The following APAF1 variants were observed in gnomAD, a reference collection of about 807,000 sequenced individuals.
APAF1 encodes apoptotic protease-activating factor 1.
Under a neutral mutation model 152.4 loss-of-function variants are expected in APAF1, and 91 were observed. The observed-to-expected ratio is 0.60, with a 90% CI of 0.50 to 0.71. The LOEUF is 0.71. Among genes scored for constraint, APAF1 ranks in the 30% least tolerant of loss-of-function variants. The pLI is 0.00. For missense variants in APAF1, 1,283 were observed against 1,472.0 expected (o/e 0.87, Z 2.10); for synonymous variants, 484 against 494.1 (o/e 0.98, Z 0.27).
intron 16 of APAF1, among the ~76,000 whole-genome samples, chr12:98,692,134 G>A (rs1412178765): frequency 2.0e-5 from 3 of 152,066 alleles, no homozygotes. Context: ...TGAGGCTGGA[G>A]TGCAGTGGCG....
chr12:98,710,460 AGAG>A (rs1399666951), intron 20 of APAF1, among the ~76,000 whole-genome samples: 4 of 152,162 alleles, frequency 2.6e-5, no homozygotes, highest in Non-Finnish European at 5.9e-5. Context: ...GTCAAGCTAG[AGAG>A]GAGAGAGAGG....
chr12:98,691,974 C>T (rs2097704709), intron 16 of APAF1, among the ~76,000 whole-genome samples: 1 of 152,186 alleles, frequency 6.6e-6, no homozygotes, highest in African/African-American at 2.4e-5. Flanking sequence ...GTTCTTCATT[C>T]CTAACTTCCT....
chr12:98,664,168 G>A, intron 7 of APAF1, among the ~76,000 whole-genome samples: 1 of 151,850 alleles, frequency 6.6e-6, no homozygotes, highest in Admixed American at 6.6e-5. Context: ...ACAGGTGCGT[G>A]CTACCTCACC....
At chr12:98,723,835 T>G in intron 24 of APAF1, 71 bp downstream of exon 24, 1 of 1,494,712 alleles carries the variant, frequency 6.7e-7, no homozygotes. Flanking sequence ...AAATAATATA[T>G]GCAAAAGGAC....
chr12:98,714,435 T>C (rs887838680), intron 21 of APAF1, among the ~76,000 whole-genome samples: 20 of 152,248 alleles, frequency 1.3e-4, no homozygotes, highest in Non-Finnish European at 2.8e-4. Context: ...GATGCTCTCA[T>C]TGAATTCTTA....
chr12:98,681,888 T>A (rs1386217496), intron 14 of APAF1, among the ~76,000 whole-genome samples: 1 of 152,184 alleles, frequency 6.6e-6, no homozygotes, highest in East Asian at 1.9e-4. Flanking sequence ...TTCTAATCAG[T>A]GCTTTGATAA....
At chr12:98,653,691 A>ATATATATATAT (rs1429273147) in intron 4 of APAF1, among the ~76,000 whole-genome samples, 2 of 15,102 alleles carry the variant, frequency 1.3e-4, no homozygotes, top group Non-Finnish European at 2.6e-4. Flanking sequence ...AAAAAAAAAA[A>ATATATATATAT]ATATATATAT....
Position 98,683,166 on chromosome 12 carries a change from A to T in APAF1, c.2070A>T (p.Glu690Asp), listed in dbSNP as rs780203359. 1.2e-6 allele frequency: 2 copies of T among 1,612,958 alleles called. No individual in the cohort carries two copies. The highest frequency in any genetic ancestry group is 2.2e-5 in the South Asian group (2 of 91,044). The change falls in exon 15 of 27, where the codon GAA (glutamate) becomes GAT (aspartate). Residue 690 changes from glutamate (E) to aspartate (D), a missense_variant. By Grantham distance (45) the Glu-to-Asp change is conservative (BLOSUM62 2). Transcript: ENST00000551964. Reference protein sequence around the residue: ...KVKIWNSMTGELVHTYDEHSE... With the variant: ...KVKIWNSMTGDLVHTYDEHSE... ...AGATTTGGAATTCTATGACTGGGGA[A>T]CTAGTACACACCTATGATGAGCACT...
chr12:98,649,733 A>G (rs775588952), intron 4 of APAF1, 49 bp downstream of exon 4: 2 of 1,507,628 alleles, frequency 1.3e-6, no homozygotes, highest in Non-Finnish European at 1.8e-6. Flanking sequence ...ATAGACATGT[A>G]AAAATATTAT....
chr12:98,665,816 A>T (rs754450904), intron 8 of APAF1, 25 bp downstream of exon 8: 3 of 1,534,580 alleles, frequency 2.0e-6, no homozygotes, highest in South Asian at 2.2e-5. Flanking sequence ...GATCCTCATC[A>T]TTGGGTATTT....
At chr12:98,712,571 C>T (rs1305084262) in intron 21 of APAF1, 136 bp downstream of exon 21, 5 of 662,060 alleles carry the variant, frequency 7.6e-6, no homozygotes, top group Non-Finnish European at 1.3e-5. Context: ...ACGCTGAGTA[C>T]AGTGACACGA....
At chr12:98,683,697 G>A (rs112291353) in intron 15 of APAF1, among the ~76,000 whole-genome samples, 2 of 152,128 alleles carry the variant, frequency 1.3e-5, no homozygotes. Flanking sequence ...GACTCATTTT[G>A]GCTTACATGC....
intron 24 of APAF1, among the ~76,000 whole-genome samples, chr12:98,724,427 C>G (rs2097747481): frequency 6.6e-6 from 1 of 152,084 alleles, no homozygotes; most frequent in African/African-American, 2.4e-5. Context: ...CACCTATTAC[C>G]TAACGGTTTA....
In APAF1 at chr12:98,723,302, G is replaced by A; in HGVS notation, c.3194G>A (p.Gly1065Glu). ...AGACTGCTTTCTTGGTCATTTGATG[G>A]AACAGTGAAGGTAATTTAAAGTATA... ...NSRLLSWSFD[G>E]TVKVWNIITG... The change falls in exon 23 of 27, where the codon GGA (glycine) becomes GAA (glutamate). Residue 1065 changes from glycine (G) to glutamate (E), a missense_variant. Physicochemically the swap from Gly to Glu is moderately conservative, Grantham distance 98. Transcript: ENST00000551964. 1.2e-6 allele frequency: 2 copies of A among 1,613,340 alleles called. No homozygotes were observed. Among genetic ancestry groups the A allele is most frequent in the Non-Finnish European group, 8.5e-7 (1 of 1,179,480 alleles).
Position 98,723,232 on chromosome 12 carries a change from G to A in APAF1, c.3124G>A (p.Gly1042Ser), listed in dbSNP as rs1593115083. 6.2e-7 allele frequency: 1 copy of A among 1,613,442 alleles called. No individual in the cohort carries two copies. Among genetic ancestry groups the A allele is most frequent in the East Asian group, 2.2e-5 (1 of 44,824 alleles). ...WQLDKCIFLRGHQETVKDFRL... is the reference protein window; with the variant it reads ...WQLDKCIFLRSHQETVKDFRL... ...ATTGGACAAATGTATCTTTCTACGA[G>A]GCCATCAGGAAACAGTGAAAGACTT... The change falls in exon 23 of 27, where the codon GGC becomes AGC. Residue 1042 changes from glycine to serine, a missense_variant. Gly to Ser is a moderately conservative substitution (Grantham distance 56, BLOSUM62 0). Transcript: ENST00000551964.
chr12:98,649,905 A>T (rs10860356), intron 4 of APAF1, among the ~76,000 whole-genome samples: 59,648 of 151,908 alleles, frequency 0.39, 12,505 homozygotes, highest in African/African-American at 0.56. Flanking sequence ...AATAAAAGTT[A>T]GCTAGGCAGT....
intron 4 of APAF1, among the ~76,000 whole-genome samples, chr12:98,656,141 T>G (rs929664901): frequency 2.6e-5 from 4 of 152,098 alleles, no homozygotes; most frequent in African/African-American, 9.7e-5. Context: ...TTGCTCAGGC[T>G]GGTCTCGAAA....
chr12:98,717,400 A>G (rs1456284206), intron 22 of APAF1, among the ~76,000 whole-genome samples: 1 of 150,268 alleles, frequency 6.7e-6, no homozygotes, highest in Non-Finnish European at 1.5e-5. Flanking sequence ...TTTGAGACGG[A>G]GTTTCACTCT....
chr12:98,698,483 C>G (rs1421988321), intron 16 of APAF1, among the ~76,000 whole-genome samples: 1 of 152,202 alleles, frequency 6.6e-6, no homozygotes, highest in East Asian at 1.9e-4. Flanking sequence ...CACCTGCTGT[C>G]TCTTTTGCAT....
Sources: gnomAD v4.1 joint callset for allele counts (sites outside exome capture counted in the v4.1 genomes callset) on GRCh38, gnomAD v4.1.1 for gene constraint, MANE v1.5 for transcripts, NCBI Gene and HGNC (gene_info 2026-07-23, HGNC 2026-07-21) for gene names.